The following CDK14 variants were observed in gnomAD, a reference collection of about 807,000 sequenced individuals.
The protein encoded by CDK14 is cyclin dependent kinase 14.
Under a neutral mutation model 60.7 loss-of-function variants are expected in CDK14, and 34 were observed. That is an observed-to-expected ratio of 0.56 (90% CI 0.43 to 0.75). The LOEUF (loss-of-function observed/expected upper bound fraction) is 0.75. Ranked by LOEUF, CDK14 falls within the 30% of genes least tolerant of loss-of-function variation. The pLI is 0.00. For synonymous variants in CDK14, 197 were observed against 203.7 expected, an observed-to-expected ratio of 0.97 and a Z score of 0.28; for missense variants, 482 against 564.1, an observed-to-expected ratio of 0.85 and a Z score of 1.47.
intron 1 of CDK14, among the ~76,000 whole-genome samples, chr7:90,600,404 A>G (rs1799290745): frequency 6.6e-6 from 1 of 152,154 alleles, no homozygotes; most frequent in Non-Finnish European, 1.5e-5. Flanking sequence ...TCAAACTGAC[A>G]TTTTTTCATA....
intron 4 of CDK14, among the ~76,000 whole-genome samples, chr7:90,778,159 A>T (rs918670779): frequency 6.6e-6 from 1 of 152,220 alleles, no homozygotes; most frequent in Non-Finnish European, 1.5e-5. Flanking sequence ...TTATGTCTCC[A>T]GTTGGATGTT....
At chr7:91,034,929 CACACACACATACACAT>C (rs1796872576) in intron 10 of CDK14, among the ~76,000 whole-genome samples, 2 of 129,508 alleles carry the variant, frequency 1.5e-5, no homozygotes, top group South Asian at 5.2e-4. Context: ...TGTGTACACA[CACACACACATACACAT>C]ACACACACAC....
intron 5 of CDK14, among the ~76,000 whole-genome samples, chr7:90,815,829 A>G (rs1789329174): frequency 6.6e-6 from 1 of 151,888 alleles, no homozygotes; most frequent in Admixed American, 6.6e-5. Flanking sequence ...AGAAAACCAA[A>G]CACTGCATGT....
chr7:90,836,451 A>G (rs1219786007), intron 5 of CDK14, among the ~76,000 whole-genome samples: 1 of 152,118 alleles, frequency 6.6e-6, no homozygotes, highest in Non-Finnish European at 1.5e-5. Flanking sequence ...CAATATCTCT[A>G]TCTTCCACCT....
intron 4 of CDK14, among the ~76,000 whole-genome samples, chr7:90,766,700 T>A (rs1804577014): frequency 6.6e-6 from 1 of 152,194 alleles, no homozygotes; most frequent in Admixed American, 6.5e-5. Flanking sequence ...AGGGTCAGGT[T>A]TGAGCCCCAG....
At chr7:90,744,297 G>A (rs935294128) in intron 3 of CDK14, among the ~76,000 whole-genome samples, 4 of 152,156 alleles carry the variant, frequency 2.6e-5, no homozygotes, top group African/African-American at 7.2e-5. Context: ...AGTGGACACA[G>A]CACATGTTTC....
intron 2 of CDK14, chr7:90,709,617 C>A: frequency 6.2e-7 from 1 of 1,609,130 alleles, no homozygotes; most frequent in Non-Finnish European, 8.5e-7. Flanking sequence ...ACAGGCAAGT[C>A]CATCGTGTTT....
chr7:90,670,781 C>T (rs1226892612), intron 2 of CDK14, among the ~76,000 whole-genome samples: 5 of 152,246 alleles, frequency 3.3e-5, no homozygotes, highest in Middle Eastern at 6.8e-3. Flanking sequence ...GGCCCAGCCC[C>T]CAACACTGAG....
chr7:91,152,973 C>T (rs985901133), intron 14 of CDK14, among the ~76,000 whole-genome samples: 1 of 152,112 alleles, frequency 6.6e-6, no homozygotes, highest in African/African-American at 2.4e-5. Context: ...TAAGTCAAAG[C>T]TATGCTCTGA....
chr7:91,139,280 G>A (rs1439934535), intron 14 of CDK14, among the ~76,000 whole-genome samples: 1 of 152,064 alleles, frequency 6.6e-6, no homozygotes, highest in Non-Finnish European at 1.5e-5. Flanking sequence ...CTTCGCAAGT[G>A]GAGTAGACTA....
intron 10 of CDK14, among the ~76,000 whole-genome samples, chr7:91,033,061 C>T (rs1420275327): frequency 1.3e-5 from 2 of 152,178 alleles, no homozygotes; most frequent in Non-Finnish European, 2.9e-5. Context: ...GCCTATGTAT[C>T]ATTTTGACAT....
At chr7:90,786,780 G>T (rs998793208) in intron 4 of CDK14, among the ~76,000 whole-genome samples, 1 of 150,782 alleles carries the variant, frequency 6.6e-6, no homozygotes, top group East Asian at 2.0e-4. Context: ...TTAGCCTGAC[G>T]TGATGGCATG....
At position 90,607,863 on chromosome 7, in the gene CDK14, A is replaced by G. The variant is rs554297736; in HGVS notation, c.123+3614A>G. ...GTCTAAATCTACACATTTTACTTGG[A>G]TGGACTAATCATTTCTAAAATATCC... On this transcript the variant is annotated intron_variant, in intron 2 of 14. Coordinates refer to ENST00000380050, the MANE Select transcript of CDK14 (RefSeq NM_001287135.2). Among the ~76,000 whole-genome samples the G allele has an allele frequency of 2.6e-5, 4 of 152,338 alleles. No individual in the cohort carries two copies. The South Asian group carries it at 8.3e-4, about 32-fold the overall frequency.
chr7:90,687,694 C>A (rs1305819479), intron 2 of CDK14, among the ~76,000 whole-genome samples: 1 of 152,050 alleles, frequency 6.6e-6, no homozygotes, highest in African/African-American at 2.4e-5. Context: ...GGGTAAGAGT[C>A]TCCTTCTCAC....
intron 3 of CDK14, among the ~76,000 whole-genome samples, chr7:90,743,551 T>G (rs1223687822): frequency 6.6e-6 from 1 of 152,190 alleles, no homozygotes; most frequent in East Asian, 1.9e-4. Context: ...ATATATCCCT[T>G]AATTATTAGT....
Position 90,899,303 on chromosome 7 carries a change from T to C in CDK14, c.652T>C (p.Cys218Arg). 4 of 1,602,448 alleles carry C rather than the reference T, an allele frequency of 2.5e-6. No homozygotes were observed. The highest frequency in any genetic ancestry group is 3.4e-6 in the Non-Finnish European group (4 of 1,174,926). The change falls in exon 7 of 15, where the codon TGT (cysteine) becomes CGT (arginine). Residue 218 changes from cysteine (C) to arginine (R), a missense_variant. Transcript: ENST00000380050. ...TTTTCTTTTCTAGCACACTGATTTA[T>C]GTCAGTACATGGACAAGCACCCTGG... ...LVFEYVHTDL[C>R]QYMDKHPGGL...
rs186163809 is a variant in CDK14, at chr7:91,140,558, G to A, written c.*28+22350G>A. Among the ~76,000 whole-genome samples, 4 of 152,222 alleles carry A rather than the reference G, an allele frequency of 2.6e-5. No homozygotes were observed. The East Asian group carries it at 5.8e-4, about 22-fold the overall frequency. On this transcript the variant is annotated intron_variant, in intron 14 of 14. Transcript: ENST00000380050. ...GATTCAGTACAGGCAGCTCTAACTC[G>A]GGAAGCAATATAGAATAGGGATTAA... is the stretch of plus-strand genomic sequence containing the variant.
At chr7:90,944,616 C>T (rs1794043036) in intron 8 of CDK14, among the ~76,000 whole-genome samples, 1 of 152,150 alleles carries the variant, frequency 6.6e-6, no homozygotes, top group African/African-American at 2.4e-5. Context: ...GCCTGTAGCC[C>T]TAGCTACTTG....
intron 2 of CDK14, among the ~76,000 whole-genome samples, chr7:90,662,427 TG>T (rs1406842335): frequency 1.3e-5 from 2 of 152,230 alleles, no homozygotes; most frequent in African/African-American, 4.8e-5. Flanking sequence ...AAGCCAGAGA[TG>T]GGGACATTTA....
Sources: allele counts gnomAD v4.1 joint callset (sites outside exome capture counted in the v4.1 genomes callset), GRCh38; gene constraint gnomAD v4.1.1; transcripts MANE v1.5; gene names NCBI Gene and HGNC (gene_info 2026-07-23, HGNC 2026-07-21).